The following HPCAL1 variants were observed in gnomAD, a reference collection of about 807,000 sequenced individuals.
The protein encoded by HPCAL1 is hippocalcin-like protein 1.
In HPCAL1, 8 loss-of-function variants were observed where a neutral mutation model predicts 17.1. The ratio of observed to expected loss-of-function variants is 0.47; its 90% confidence interval spans 0.27 to 0.84. The LOEUF is 0.84. Ranked by LOEUF, HPCAL1 falls within the 40% of genes least tolerant of loss-of-function variation. The probability of loss-of-function intolerance (pLI) is 0.13; values close to 1 mark genes in which losing one functional copy is unlikely to be tolerated. For missense variants in HPCAL1, 165 were observed against 271.1 expected (o/e 0.61, Z 2.75); for synonymous variants, 112 against 111.4 (o/e 1.01, Z -0.03).
In HPCAL1 at chr2:10,304,195, C is replaced by T. The variant is rs532152659; in HGVS notation, c.-111+1018C>T. Among the ~76,000 whole-genome samples the T allele has an allele frequency of 1.3e-5, 2 of 151,854 alleles. No homozygotes were observed. The highest frequency in any genetic ancestry group is 4.2e-4 in the South Asian group (2 of 4,808). ...TGGGCGCCGGCCCTGCCCCAGCCCC[C>T]AGGCTCCCGCGCAAGCGTGGGGGTC... On this transcript the variant is annotated intron_variant, in intron 1 of 4. Coordinates refer to ENST00000307845, the MANE Select transcript of HPCAL1 (RefSeq NM_002149.4). This position sits in a 1 kb window ranked among gnomAD's most constrained non-coding sequence, Gnocchi z 4.1.
intron 2 of HPCAL1, among the ~76,000 whole-genome samples, chr2:10,399,442 TCACCATCACCACCACCAC>T (rs1669386810): frequency 2.0e-4 from 4 of 20,138 alleles, no homozygotes; most frequent in African/African-American, 4.9e-4. Context: ...ACCACCACCA[TCACCATCACCACCACCAC>T]CACCATCACC....
At chr2:10,319,587 GTGGGGT>G (rs1663541912) in intron 1 of HPCAL1, among the ~76,000 whole-genome samples, 2 of 147,160 alleles carry the variant, frequency 1.4e-5, no homozygotes, top group African/African-American at 5.1e-5. Context: ...GTGGGGTGGG[GTGGGGT>G]GGGGTGGGCA....
intron 4 of HPCAL1, chr2:10,424,526 G>T (rs1185833306): frequency 2.1e-6 from 1 of 470,900 alleles, no homozygotes; most frequent in Non-Finnish European, 4.4e-6. Flanking sequence ...ACTTCACAGT[G>T]TCCCTGGGGA....
rs893750334 is a variant in HPCAL1 at position 10,377,928 on chromosome 2, G to A, written c.-110-18907G>A. On this transcript the variant is annotated intron_variant, in intron 1 of 4. Transcript: ENST00000307845. The surrounding 1 kb of genome is among the most constrained non-coding windows in gnomAD (Gnocchi z 5.9). ...ATTTCAGAGAGTGCAAGGAGGCGGC[G>A]AAGATGCTGGTTGAGGGCACGGGTG... Among the ~76,000 whole-genome samples the A allele has an allele frequency of 1.8e-4, 28 of 152,340 alleles. No homozygotes were observed. The highest frequency in any genetic ancestry group is 6.0e-4 in the African/African-American group (25 of 41,574).
At chr2:10,370,621 G>A (rs1303674565) in intron 1 of HPCAL1, among the ~76,000 whole-genome samples, 3 of 152,228 alleles carry the variant, frequency 2.0e-5, no homozygotes, top group African/African-American at 4.8e-5. Context: ...CATGATGCCA[G>A]GGCACATAGG....
chr2:10,339,754 A>G (rs1462212751), intron 1 of HPCAL1, among the ~76,000 whole-genome samples: 1 of 152,236 alleles, frequency 6.6e-6, no homozygotes, highest in Non-Finnish European at 1.5e-5. Flanking sequence ...CAGAGCATGT[A>G]AGATTACACA....
Position 10,310,412 on chromosome 2 carries a change from A to C in HPCAL1, c.-111+7235A>C, listed in dbSNP as rs982052470. Reference sequence around the variant, plus strand: ...AGAATTCCTTTTCAAATTCGGGCTTATGAGGCATGTTTTGATCCAGGCTGT... The same window carrying C: ...AGAATTCCTTTTCAAATTCGGGCTTCTGAGGCATGTTTTGATCCAGGCTGT... On this transcript the variant is annotated intron_variant, in intron 1 of 4. Transcript: ENST00000307845. This position sits in a 1 kb window ranked among gnomAD's most constrained non-coding sequence, Gnocchi z 4.5. Among the ~76,000 whole-genome samples the C allele has an allele frequency of 1.4e-4, 22 of 152,142 alleles. No individual in the cohort carries two copies. Among genetic ancestry groups the C allele is most frequent in the African/African-American group, 5.3e-4 (22 of 41,438 alleles).
rs1253808101 is a variant in HPCAL1, at chr2:10,426,806, T to C, written c.567T>C (p.Ser189=). ...GCCTGCTGCAGTGCGACCCCAGCAG[T>C]GCCAGTCAGTTCTGAGCGAGCGGCC... is the stretch of plus-strand genomic sequence containing the variant. ...IVRLLQCDPS[S]ASQF The change falls in exon 5 of 5, where the codon AGT becomes AGC. Residue 189 remains serine, a synonymous_variant. Coordinates refer to ENST00000307845, the MANE Select transcript of HPCAL1 (RefSeq NM_002149.4). 6.2e-7 allele frequency: 1 copy of C among 1,613,110 alleles called. No homozygotes were observed. The highest frequency in any genetic ancestry group is 1.7e-5 in the Admixed American group (1 of 60,028).
intron 1 of HPCAL1, among the ~76,000 whole-genome samples, chr2:10,337,168 C>T (rs1664774090): frequency 1.3e-5 from 2 of 152,166 alleles, no homozygotes; most frequent in Admixed American, 6.5e-5. Flanking sequence ...CCAGTGTTGG[C>T]GGGGTTAGAA....
chr2:10,379,236 C>A (rs1479670104), intron 1 of HPCAL1, among the ~76,000 whole-genome samples: 2 of 151,910 alleles, frequency 1.3e-5, no homozygotes, highest in African/African-American at 2.4e-5. Context: ...TCCAGCCTTG[C>A]AGCTTTCCAA....
At position 10,344,632 on chromosome 2, in the gene HPCAL1, T is replaced by G. The variant is rs768994256; in HGVS notation, c.-111+41455T>G. 3.3e-5 allele frequency among the ~76,000 whole-genome samples: 5 copies of G among 152,180 alleles called. No individual in the cohort carries two copies. Among genetic ancestry groups the G allele is most frequent in the African/African-American group, 1.2e-4 (5 of 41,436 alleles). ...CAGAAATATTTTATAATCAAATGAG[T>G]AAGACGGGCGTCCCACACTCCACAG... On this transcript the variant is annotated intron_variant, in intron 1 of 4. Coordinates refer to ENST00000307845, the MANE Select transcript of HPCAL1 (RefSeq NM_002149.4). The surrounding 1 kb of genome is among the most constrained non-coding windows in gnomAD (Gnocchi z 4.9).
rs374586263 is a variant in HPCAL1, at chr2:10,377,910, A to G, written c.-110-18925A>G. Among the ~76,000 whole-genome samples the G allele has an allele frequency of 7.5e-3, 1,144 of 152,246 alleles. 4 individuals are homozygous for G. Among genetic ancestry groups the G allele is most frequent in the Middle Eastern group, 0.034 (10 of 294 alleles). ...GGCAGGCACAGGGAGGGCATTTCAG[A>G]GAGTGCAAGGAGGCGGCGAAGATGC... On this transcript the variant is annotated intron_variant, in intron 1 of 4. Transcript: ENST00000307845. The surrounding 1 kb of genome is among the most constrained non-coding windows in gnomAD (Gnocchi z 5.9).
intron 1 of HPCAL1, among the ~76,000 whole-genome samples, chr2:10,325,645 C>T (rs1663962817): frequency 6.6e-6 from 1 of 152,220 alleles, no homozygotes; most frequent in Non-Finnish European, 1.5e-5. Flanking sequence ...GCCAGAGCTG[C>T]CTTGATATTT....
At chr2:10,327,651 T>C (rs948396547) in intron 1 of HPCAL1, among the ~76,000 whole-genome samples, 7 of 152,228 alleles carry the variant, frequency 4.6e-5, no homozygotes, top group African/African-American at 1.7e-4. Flanking sequence ...TGGCTTTTTT[T>C]TTCTGATTTG....
Position 10,304,657 on chromosome 2 carries a change from ACT to A in HPCAL1, c.-111+1485_-111+1486del, listed in dbSNP as rs1217297583. Among the ~76,000 whole-genome samples, 1 of 152,128 alleles carries A rather than the reference ACT, an allele frequency of 6.6e-6. No homozygotes were observed. Among genetic ancestry groups the A allele is most frequent in the Non-Finnish European group, 1.5e-5 (1 of 68,004 alleles). On this transcript the variant is annotated intron_variant, in intron 1 of 4. Transcript: ENST00000307845. The surrounding 1 kb of genome is among the most constrained non-coding windows in gnomAD (Gnocchi z 4.1). ...GAGCACCCAGCTCTTACCACGACTC[ACT>A]CTCTGGAGAGTTCTGGCGCCTCGGC...
In HPCAL1 at chr2:10,379,050, G is replaced by A. The variant is rs907387294; in HGVS notation, c.-110-17785G>A. On this transcript the variant is annotated intron_variant, in intron 1 of 4. Coordinates refer to ENST00000307845, the MANE Select transcript of HPCAL1 (RefSeq NM_002149.4). ...TGTATCATTAAAAATATTTGCGGTC[G>A]GGTGCGGTCGCTCCTACCTGTAATC... 3.9e-5 allele frequency among the ~76,000 whole-genome samples: 6 copies of A among 152,076 alleles called. No homozygotes were observed. The South Asian group carries it at 6.2e-4, about 16-fold the overall frequency.
In HPCAL1 at chr2:10,330,156, CG is replaced by C. The variant is rs1172771545; in HGVS notation, c.-111+26981del. 2 of 151,480 alleles carry C rather than the reference CG, an allele frequency of 1.3e-5. No homozygotes were observed. The highest frequency in any genetic ancestry group is 2.4e-5 in the African/African-American group (1 of 41,058). The allele number at this position is 151,480 out of a possible 1,614,324, so 9.4% of individuals were successfully genotyped here. Reference sequence around the variant, plus strand: ...GCTAGAGATGCTTTCTTTTTCAGAGCGGCCTTTATGCTGTGTTCGGGGCTGT... The same window carrying C: ...GCTAGAGATGCTTTCTTTTTCAGAGCGCCTTTATGCTGTGTTCGGGGCTGT... On this transcript the variant is annotated intron_variant, in intron 1 of 4. Coordinates refer to ENST00000307845, the MANE Select transcript of HPCAL1 (RefSeq NM_002149.4). The surrounding 1 kb of genome is among the most constrained non-coding windows in gnomAD (Gnocchi z 4.2).
At chr2:10,329,688 A>G (rs1412266359) in intron 1 of HPCAL1, among the ~76,000 whole-genome samples, 4 of 152,208 alleles carry the variant, frequency 2.6e-5, no homozygotes, top group Admixed American at 2.6e-4. Context: ...TCTGCTTTTG[A>G]CTTTTCCTCC....
chr2:10,347,111 G>A (rs1481055896), intron 1 of HPCAL1, among the ~76,000 whole-genome samples: 1 of 151,936 alleles, frequency 6.6e-6, no homozygotes, highest in Non-Finnish European at 1.5e-5. Context: ...CACCGCCCCC[G>A]CCCCCCGCAG....
Sources: allele counts gnomAD v4.1 joint callset (sites outside exome capture counted in the v4.1 genomes callset), GRCh38; gene constraint gnomAD v4.1.1; non-coding constraint Gnocchi (gnomAD v3.1); transcripts MANE v1.5; gene names NCBI Gene and HGNC (gene_info 2026-07-23, HGNC 2026-07-21).